The following ITCH variants were observed in gnomAD, a reference collection of about 807,000 sequenced individuals.
ITCH encodes the protein E3 ubiquitin-protein ligase Itchy homolog.
A neutral mutation model predicts 126.8 loss-of-function variants in ITCH; 28 were observed. That is an observed-to-expected ratio of 0.22 (90% confidence interval 0.16 to 0.30). ITCH has a LOEUF of 0.30. ITCH is among the 10% of genes least tolerant of loss of function. The pLI, the probability that ITCH is intolerant of heterozygous loss-of-function variation, is 1.00. For synonymous variants in ITCH, 342 were observed against 340.0 expected, an observed-to-expected ratio of 1.01 and a Z score of -0.06; for missense variants, 631 against 1,032.4, an observed-to-expected ratio of 0.61 and a Z score of 5.33.
Position 34,497,070 on chromosome 20 carries a change from C to A in ITCH, c.2416+4473C>A, listed in dbSNP as rs539993627. On this transcript the variant is annotated intron_variant, in intron 23 of 24. Transcript: ENST00000374864. Reference sequence around the variant, plus strand: ...GGAGTACAGTGGCGAGATCTCGGCTCCCCACAACCTCCGCCTCCCAGGATC... The same window carrying A: ...GGAGTACAGTGGCGAGATCTCGGCTACCCACAACCTCCGCCTCCCAGGATC... Among the ~76,000 whole-genome samples the A allele has an allele frequency of 5.3e-5, 8 of 151,922 alleles. No homozygotes were observed. The East Asian group carries it at 1.6e-3, about 30-fold the overall frequency.
At chr20:34,400,646 CTTTTT>C (rs760416482) in intron 3 of ITCH, among the ~76,000 whole-genome samples, 10 of 120,022 alleles carry the variant, frequency 8.3e-5, no homozygotes, top group Non-Finnish European at 1.3e-4. Flanking sequence ...AAAAATTTTT[CTTTTT>C]TTTTTTTTTT....
At chr20:34,484,382 C>T (rs1988966356) in intron 20 of ITCH, among the ~76,000 whole-genome samples, 2 of 152,150 alleles carry the variant, frequency 1.3e-5, no homozygotes, top group Admixed American at 1.3e-4. Flanking sequence ...CTATTTAACA[C>T]AGTGAGCTGT....
At chr20:34,379,651 G>A (rs896855357) in intron 2 of ITCH, among the ~76,000 whole-genome samples, 1 of 146,602 alleles carries the variant, frequency 6.8e-6, no homozygotes, top group South Asian at 2.1e-4. Flanking sequence ...CTGGAGTGCA[G>A]TAGTGCGATC....
At chr20:34,409,139 TCCC>T (rs55788421) in intron 4 of ITCH, among the ~76,000 whole-genome samples, 2 of 82,784 alleles carry the variant, frequency 2.4e-5, no homozygotes, top group Non-Finnish European at 2.2e-5. Flanking sequence ...TTATGAGTAC[TCCC>T]CCCCCCCCCG....
intron 9 of ITCH, among the ~76,000 whole-genome samples, chr20:34,440,695 C>G (rs779018895): frequency 1.7e-4 from 26 of 151,844 alleles, no homozygotes; most frequent in Non-Finnish European, 3.4e-4. Flanking sequence ...TCAAGTGATC[C>G]GACCACCTCA....
In ITCH at chr20:34,489,902, C is replaced by T; in HGVS notation, c.2295C>T (p.Ser765=). The change falls in exon 22 of 25, where the codon AGC becomes AGT. Residue 765 remains serine (S), a synonymous_variant. Transcript: ENST00000374864. The stretch of plus-strand genomic sequence containing the variant: ...TCTACCGTCATTATGCAAGGACCAG[C>T]AAACAAATCATGTGGTTTTGGCAGG... ...HAIYRHYART[S]KQIMWFWQFV... The T allele has an allele frequency of 6.2e-7, 1 of 1,613,590 alleles. No individual in the cohort carries two copies. Among genetic ancestry groups the T allele is most frequent in the Non-Finnish European group, 8.5e-7 (1 of 1,179,602 alleles).
intron 7 of ITCH, among the ~76,000 whole-genome samples, chr20:34,431,634 A>G (rs1982305514): frequency 6.6e-6 from 1 of 152,220 alleles, no homozygotes; most frequent in African/African-American, 2.4e-5. Flanking sequence ...ATAGAGACCT[A>G]TATTTAGTGG....
intron 3 of ITCH, among the ~76,000 whole-genome samples, chr20:34,396,285 C>T (rs1038190029): frequency 3.3e-5 from 5 of 151,968 alleles, no homozygotes; most frequent in East Asian, 1.9e-4. Flanking sequence ...CCACCTGCCT[C>T]GGCCTACCAA....
intron 7 of ITCH, among the ~76,000 whole-genome samples, chr20:34,428,997 G>A (rs1257367465): frequency 3.9e-5 from 6 of 152,220 alleles, no homozygotes; most frequent in African/African-American, 1.4e-4. Flanking sequence ...GAGTGCAGTG[G>A]CGTGATCTCA....
intron 2 of ITCH, among the ~76,000 whole-genome samples, chr20:34,392,916 T>C (rs1163991546): frequency 2.0e-5 from 3 of 152,138 alleles, no homozygotes; most frequent in African/African-American, 7.2e-5. Flanking sequence ...GGTGACAGAG[T>C]GAGAATCTTT....
At chr20:34,464,230 C>T (rs1210002088) in intron 14 of ITCH, among the ~76,000 whole-genome samples, 6 of 151,596 alleles carry the variant, frequency 4.0e-5, no homozygotes, top group African/African-American at 1.5e-4. Flanking sequence ...CCTCGTGATC[C>T]ACCCACCTCA....
intron 2 of ITCH, among the ~76,000 whole-genome samples, chr20:34,388,755 C>T (rs2038382449): frequency 6.6e-6 from 1 of 152,186 alleles, no homozygotes; most frequent in African/African-American, 2.4e-5. Flanking sequence ...AACATTTCTC[C>T]TCCAAATGAG....
chr20:34,489,878 C>A lies in ITCH; in HGVS notation c.2271C>A (p.Ile757=). 1.2e-6 allele frequency: 2 copies of A among 1,614,024 alleles called. No homozygotes were observed. Among genetic ancestry groups the A allele is most frequent in the Non-Finnish European group, 1.7e-6 (2 of 1,179,964 alleles). Residue 757 remains isoleucine (I), a synonymous_variant, in exon 22 of 25, where the codon ATC becomes ATA. Coordinates refer to ENST00000374864, the MANE Select transcript of ITCH (RefSeq NM_031483.7). The part of the protein sequence containing the change: ...IDLNDWQRHA[I]YRHYARTSKQ... ...TGAATGACTGGCAAAGACATGCCATCTACCGTCATTATGCAAGGACCAGCA... is the reference window on the plus strand; with the variant it reads ...TGAATGACTGGCAAAGACATGCCATATACCGTCATTATGCAAGGACCAGCA...
At chr20:34,474,944 T>C (rs535184184) in intron 16 of ITCH, among the ~76,000 whole-genome samples, 123 of 146,766 alleles carry the variant, frequency 8.4e-4, no homozygotes, top group African/African-American at 2.7e-3. Context: ...TCAGACGGGG[T>C]GGCTGGGCAG....
chr20:34,451,630 G>T (rs1351583601), intron 12 of ITCH, among the ~76,000 whole-genome samples: 1 of 152,170 alleles, frequency 6.6e-6, no homozygotes, highest in Middle Eastern at 3.2e-3. Context: ...AACTTAACCT[G>T]TCAGATTGCA....
intron 12 of ITCH, among the ~76,000 whole-genome samples, chr20:34,451,857 C>T (rs921378758): frequency 6.6e-6 from 1 of 151,866 alleles, no homozygotes; most frequent in Non-Finnish European, 1.5e-5. Context: ...TGCTTGAGCC[C>T]GGGAGTTGGA....
At chr20:34,432,176 G>A (rs1032879374) in intron 7 of ITCH, among the ~76,000 whole-genome samples, 3 of 151,872 alleles carry the variant, frequency 2.0e-5, no homozygotes, top group African/African-American at 4.8e-5. Context: ...TCAGGTTAAC[G>A]CCTTAGCTTA....
At chr20:34,425,592 T>C (rs1286738910) in intron 7 of ITCH, among the ~76,000 whole-genome samples, 2 of 152,214 alleles carry the variant, frequency 1.3e-5, no homozygotes, top group Non-Finnish European at 2.9e-5. Flanking sequence ...AGGTGAGATA[T>C]GCTGGCAGCA....
At chr20:34,378,112 C>A (rs533094301) in intron 2 of ITCH, among the ~76,000 whole-genome samples, 1 of 150,210 alleles carries the variant, frequency 6.7e-6, no homozygotes, top group Non-Finnish European at 1.5e-5. Flanking sequence ...TAGTCTTTTT[C>A]GCAAGTAAGC....
Sources: allele counts gnomAD v4.1 joint callset (sites outside exome capture counted in the v4.1 genomes callset), GRCh38; gene constraint gnomAD v4.1.1; transcripts MANE v1.5; gene names NCBI Gene and HGNC (gene_info 2026-07-23, HGNC 2026-07-21).